Variants in DAAM2 observed in about 807,000 individuals in gnomAD.
DAAM2 encodes the protein dishevelled associated activator of morphogenesis 2.
A neutral mutation model predicts 120.7 loss-of-function variants in DAAM2; 39 were observed. That is an observed-to-expected ratio of 0.32 (90% CI 0.25 to 0.42). The LOEUF is 0.42. Among genes scored for constraint, DAAM2 ranks in the 10% least tolerant of loss-of-function variants. The pLI, the probability that DAAM2 is intolerant of heterozygous loss-of-function variation, is 1.00. For missense variants in DAAM2, 1,283 were observed against 1,401.7 expected (o/e 0.92, Z 1.35); for synonymous variants, 488 against 524.9 (o/e 0.93, Z 0.96).
Position 39,891,348 on chromosome 6 carries a change from A to G in DAAM2, c.2153A>G (p.Lys718Arg). 2 of 1,606,396 alleles carry G rather than the reference A, an allele frequency of 1.2e-6. No homozygotes were observed. The highest frequency in any genetic ancestry group is 1.7e-6 in the Non-Finnish European group (2 of 1,176,072). Residue 718 changes from lysine (K) to arginine (R), a missense_variant, in exon 18 of 25, where the codon AAG becomes AGG. Coordinates refer to ENST00000274867, the MANE Select transcript of DAAM2 (RefSeq NM_001201427.2). ...TGCGCCTGCTCTTTGCAGCTCCTCA[A>G]GTTCATCCCAGAGAAGAGTGACATT... is the stretch of plus-strand genomic sequence containing the variant. ...LAKDMLEQLL[K>R]FIPEKSDIDL...
chr6:39,800,347 C>G (rs987188132), intron 1 of DAAM2, among the ~76,000 whole-genome samples: 1 of 152,192 alleles, frequency 6.6e-6, no homozygotes, highest in Admixed American at 6.5e-5. Flanking sequence ...CATCAGGCCC[C>G]TATGACTGCC....
chr6:39,802,570 C>T (rs1413652935), intron 1 of DAAM2, among the ~76,000 whole-genome samples: 3 of 152,058 alleles, frequency 2.0e-5, no homozygotes, highest in African/African-American at 7.2e-5. Context: ...ACAGAGAGTG[C>T]ATCTCATTAG....
chr6:39,794,379 G>A (rs2113973368), intron 1 of DAAM2, among the ~76,000 whole-genome samples: 1 of 152,260 alleles, frequency 6.6e-6, no homozygotes, highest in East Asian at 1.9e-4. Flanking sequence ...CTTGCTCCCT[G>A]GTAGTTGCAA....
At chr6:39,804,046 G>T (rs991936510) in intron 1 of DAAM2, among the ~76,000 whole-genome samples, 4 of 152,188 alleles carry the variant, frequency 2.6e-5, no homozygotes, top group African/African-American at 9.7e-5. Flanking sequence ...TTGCTGTCCT[G>T]GTCAGTGGGG....
chr6:39,852,092 G>A (rs1763829026), intron 1 of DAAM2, among the ~76,000 whole-genome samples: 2 of 152,188 alleles, frequency 1.3e-5, no homozygotes, highest in South Asian at 4.1e-4. Flanking sequence ...GAGGGAGCAA[G>A]GAGACAGGAT....
Position 39,889,311 on chromosome 6 carries a change from A to AAC in DAAM2, c.2145+549_2145+550insCA, listed in dbSNP as rs1249018016. 2.6e-5 allele frequency among the ~76,000 whole-genome samples: 4 copies of AAC among 152,260 alleles called. No individual in the cohort carries two copies. The East Asian group carries it at 7.7e-4, about 29-fold the overall frequency. ...AGAGGATTTCCAAATAGACAATAAGAATATGAAAAGGTGTTCAATATGATT... is the reference window on the plus strand; with the variant it reads ...AGAGGATTTCCAAATAGACAATAAGAACATATGAAAAGGTGTTCAATATGATT... On this transcript the variant is annotated intron_variant, in intron 17 of 24. Coordinates refer to ENST00000274867, the MANE Select transcript of DAAM2 (RefSeq NM_001201427.2).
chr6:39,861,519 G>A (rs1306685104), intron 3 of DAAM2: 1 of 255,696 alleles, frequency 3.9e-6, no homozygotes, highest in Non-Finnish European at 7.8e-6. Flanking sequence ...TCCTGCTATG[G>A]CCCTCCCTAG....
At chr6:39,864,767 T>C (rs1003810922) in intron 4 of DAAM2, among the ~76,000 whole-genome samples, 3 of 152,084 alleles carry the variant, frequency 2.0e-5, no homozygotes, top group African/African-American at 7.2e-5. Flanking sequence ...ACTTGGGAAA[T>C]AAACCGGGCC....
At chr6:39,800,236 G>T (rs1761819147) in intron 1 of DAAM2, among the ~76,000 whole-genome samples, 1 of 152,062 alleles carries the variant, frequency 6.6e-6, no homozygotes, top group Admixed American at 6.5e-5. Context: ...TTGGCTCTTA[G>T]GCTGCGTGAC....
chr6:39,810,732 C>T (rs999354761), intron 1 of DAAM2, among the ~76,000 whole-genome samples: 9 of 152,284 alleles, frequency 5.9e-5, no homozygotes, highest in Middle Eastern at 3.4e-3. Context: ...AGACCTCACC[C>T]GAAACCACAT....
In DAAM2 at chr6:39,900,168, T is replaced by G; in HGVS notation, c.2771T>G (p.Phe924Cys). 1 of 1,607,700 alleles carries G rather than the reference T, an allele frequency of 6.2e-7. No individual in the cohort carries two copies. The highest frequency in any genetic ancestry group is 8.5e-7 in the Non-Finnish European group (1 of 1,177,224). ...SDFITVSSFS[F>C]SELEDQLNEA... The stretch of plus-strand genomic sequence containing the variant: ...TTCATCACGGTGTCCAGCTTCAGCT[T>G]CTCCGAGCTGGAGGACCAGCTAAAT... Residue 924 changes from phenylalanine to cysteine, a missense_variant, in exon 23 of 25, where the codon TTC becomes TGC. Physicochemically the swap from Phe to Cys is radical, Grantham distance 205. Transcript: ENST00000274867.
chr6:39,822,031 A>C (rs1024265642), intron 1 of DAAM2: 49 of 152,514 alleles, frequency 3.2e-4, no homozygotes, highest in African/African-American at 1.1e-3. Context: ...AGGTCTGCCA[A>C]GGGCAGGGAA....
chr6:39,867,464 CA>C (rs1335457692), intron 5 of DAAM2, 45 bp from the exon 6 acceptor site: 5 of 1,581,660 alleles, frequency 3.2e-6, no homozygotes, highest in Non-Finnish European at 4.3e-6. Context: ...AAAGTGTACA[CA>C]GAATCATATG....
chr6:39,892,844 C>T (rs1378202892), intron 19 of DAAM2, among the ~76,000 whole-genome samples: 1 of 152,106 alleles, frequency 6.6e-6, no homozygotes, highest in Non-Finnish European at 1.5e-5. Flanking sequence ...CAGACATTTT[C>T]TGTAATCAGA....
At chr6:39,808,860 C>CTTA (rs1003273685) in intron 1 of DAAM2, among the ~76,000 whole-genome samples, 8 of 152,174 alleles carry the variant, frequency 5.3e-5, no homozygotes, top group Non-Finnish European at 8.8e-5. Context: ...CTGCATCCTG[C>CTTA]TTATTTATAC....
chr6:39,899,961 G>A (rs542671679), intron 22 of DAAM2, 116 bp from the exon 23 acceptor site: 2 of 1,124,566 alleles, frequency 1.8e-6, no homozygotes, highest in Non-Finnish European at 2.4e-6. Context: ...GATGCAGGGT[G>A]TTCCCTCTTC....
chr6:39,897,122 C>T (rs1432346016), intron 20 of DAAM2, 53 bp from the exon 21 acceptor site: 7 of 1,538,334 alleles, frequency 4.6e-6, no homozygotes, highest in Non-Finnish European at 6.3e-6. Flanking sequence ...ACCCTCTGAC[C>T]CTCGTGCCCA....
At chr6:39,846,505 G>A (rs550308219) in intron 1 of DAAM2, among the ~76,000 whole-genome samples, 40 of 152,212 alleles carry the variant, frequency 2.6e-4, no homozygotes, top group African/African-American at 8.9e-4. Context: ...ATAACCCTAT[G>A]TTGGACTTCT....
rs376971162 is a variant in DAAM2 at position 39,901,844 on chromosome 6, A to T, written c.3014A>T (p.Gln1005Leu). The change falls in exon 25 of 25, where the codon CAG becomes CTG. Residue 1005 changes from glutamine (Q) to leucine (L), a missense_variant. Gln to Leu is a moderately radical substitution (Grantham distance 113). Transcript: ENST00000274867. This position sits in a 1 kb window ranked among gnomAD's most constrained non-coding sequence, Gnocchi z 4.5. ...LKEQRERERW[Q>L]RQRKVLAAGS... The stretch of plus-strand genomic sequence containing the variant: ...GAGCAGAGGGAACGTGAGCGGTGGC[A>T]GCGGCAGCGGAAGGTCCTGGCTGCA... The T allele has an allele frequency of 6.4e-7, 1 of 1,564,568 alleles. No individual in the cohort carries two copies. The highest frequency in any genetic ancestry group is 1.8e-5 in the Admixed American group (1 of 55,124).
Sources: allele counts gnomAD v4.1 joint callset (sites outside exome capture counted in the v4.1 genomes callset), GRCh38; gene constraint gnomAD v4.1.1; non-coding constraint Gnocchi (gnomAD v3.1); transcripts MANE v1.5; gene names NCBI Gene and HGNC (gene_info 2026-07-23, HGNC 2026-07-21).